The following CNTNAP5 variants were observed in gnomAD, a reference collection of about 807,000 sequenced individuals.
The protein encoded by CNTNAP5 is contactin associated protein family member 5.
A neutral mutation model predicts 150.2 loss-of-function variants in CNTNAP5; 72 were observed. The ratio of observed to expected loss-of-function variants is 0.48; its 90% CI spans 0.40 to 0.58. The LOEUF is 0.58. Ranked by LOEUF, CNTNAP5 falls within the 20% of genes least tolerant of loss-of-function variation. The probability of loss-of-function intolerance (pLI) is 0.00; values close to 1 mark genes in which losing one functional copy is unlikely to be tolerated. For missense variants in CNTNAP5, 1,636 were observed against 1,626.2 expected (o/e 1.01, Z -0.10); for synonymous variants, 672 against 619.8 (o/e 1.08, Z -1.25).
Position 124,771,715 on chromosome 2 carries a change from TCATCACCAC to T in CNTNAP5, c.2534-1072_2534-1064del, listed in dbSNP as rs1455730451. Among the ~76,000 whole-genome samples, 7 of 135,740 alleles carry T rather than the reference TCATCACCAC, an allele frequency of 5.2e-5. No homozygotes were observed. The East Asian group carries it at 6.2e-4, about 12-fold the overall frequency. The allele number at this position is 135,740 out of a possible 152,430, so 89.1% of individuals were successfully genotyped here. A position where few individuals can be genotyped will look rare whatever the true frequency, so the allele number is the denominator to read the frequency against. ...ATCACTGGCGCCATCACCATCACCT[TCATCACCAC>T]CATCACCACCACCGTTACCACCATC... On this transcript the variant is annotated intron_variant, in intron 16 of 23. Coordinates refer to ENST00000682447, the MANE Select transcript of CNTNAP5 (RefSeq NM_001367498.1).
At chr2:124,636,547 A>G (rs1011853872) in intron 12 of CNTNAP5, among the ~76,000 whole-genome samples, 1 of 152,188 alleles carries the variant, frequency 6.6e-6, no homozygotes, top group Non-Finnish European at 1.5e-5. Context: ...ATGATCTACC[A>G]TAATGTAAAT....
intron 3 of CNTNAP5, among the ~76,000 whole-genome samples, chr2:124,288,413 T>C (rs1428222644): frequency 1.3e-5 from 2 of 152,192 alleles, no homozygotes; most frequent in Non-Finnish European, 2.9e-5. Flanking sequence ...GGGCACTGTG[T>C]TGAGACCCAG....
At chr2:124,289,139 C>G (rs1688223649) in intron 3 of CNTNAP5, among the ~76,000 whole-genome samples, 2 of 152,156 alleles carry the variant, frequency 1.3e-5, no homozygotes, top group South Asian at 4.1e-4. Flanking sequence ...GACATTTTCT[C>G]TGTTGTATTG....
intron 19 of CNTNAP5, among the ~76,000 whole-genome samples, chr2:124,824,309 A>G (rs1182951541): frequency 6.6e-6 from 1 of 151,954 alleles, no homozygotes. Flanking sequence ...GTTATTTTCA[A>G]TTTTCATACT....
At chr2:124,113,055 G>A (rs1683334823) in intron 1 of CNTNAP5, among the ~76,000 whole-genome samples, 1 of 152,138 alleles carries the variant, frequency 6.6e-6, no homozygotes, top group African/African-American at 2.4e-5. Flanking sequence ...GTGAATGTAA[G>A]TATATCCAGA....
At chr2:124,101,462 G>A (rs895304258) in intron 1 of CNTNAP5, among the ~76,000 whole-genome samples, 1 of 152,100 alleles carries the variant, frequency 6.6e-6, no homozygotes, top group Non-Finnish European at 1.5e-5. Flanking sequence ...CTGGAAAGGG[G>A]CACAAGAATC....
intron 7 of CNTNAP5, among the ~76,000 whole-genome samples, chr2:124,492,805 T>C (rs1200140780): frequency 6.7e-6 from 1 of 150,318 alleles, no homozygotes; most frequent in South Asian, 2.2e-4. Context: ...AACTTATTTT[T>C]GTATGTTGAT....
intron 3 of CNTNAP5, among the ~76,000 whole-genome samples, chr2:124,280,530 T>C (rs1368883810): frequency 6.6e-6 from 1 of 152,088 alleles, no homozygotes; most frequent in Non-Finnish European, 1.5e-5. Context: ...GGCTGTTCGT[T>C]GTATAGAGTG....
intron 1 of CNTNAP5, among the ~76,000 whole-genome samples, chr2:124,184,330 A>C (rs530770528): frequency 6.6e-6 from 1 of 152,184 alleles, no homozygotes; most frequent in Non-Finnish European, 1.5e-5. Flanking sequence ...GGAGCTTTGC[A>C]TGGAGAAGCA....
intron 1 of CNTNAP5, among the ~76,000 whole-genome samples, chr2:124,056,703 G>C (rs1416650627): frequency 1.3e-5 from 2 of 152,140 alleles, no homozygotes; most frequent in Non-Finnish European, 2.9e-5. Context: ...CTCCTGCCAT[G>C]TGGTCATGAT....
intron 1 of CNTNAP5, among the ~76,000 whole-genome samples, chr2:124,168,842 A>G (rs1684865040): frequency 6.6e-6 from 1 of 152,166 alleles, no homozygotes; most frequent in Non-Finnish European, 1.5e-5. Flanking sequence ...TTATATATTA[A>G]TACATACTGT....
intron 1 of CNTNAP5, among the ~76,000 whole-genome samples, chr2:124,170,048 G>A (rs1331655025): frequency 6.6e-5 from 10 of 152,098 alleles, no homozygotes; most frequent in African/African-American, 2.2e-4. Context: ...TATATTTAGG[G>A]AAATGGGCTA....
chr2:124,697,127 A>T (rs1679421469), intron 13 of CNTNAP5, among the ~76,000 whole-genome samples: 1 of 152,114 alleles, frequency 6.6e-6, no homozygotes, highest in Non-Finnish European at 1.5e-5. Flanking sequence ...AGAATTTTTT[A>T]AATTTACGGA....
intron 1 of CNTNAP5, among the ~76,000 whole-genome samples, chr2:124,175,978 C>A (rs1327406750): frequency 6.6e-6 from 1 of 152,194 alleles, no homozygotes; most frequent in Non-Finnish European, 1.5e-5. Context: ...ATTACTGGGT[C>A]ATGTGTGAAT....
chr2:124,710,841 C>G (rs1679790979), intron 13 of CNTNAP5, among the ~76,000 whole-genome samples: 1 of 147,798 alleles, frequency 6.8e-6, no homozygotes, highest in South Asian at 2.2e-4. Context: ...TTCTGATTTT[C>G]CTGAAAACCT....
intron 2 of CNTNAP5, among the ~76,000 whole-genome samples, chr2:124,229,617 T>C (rs1390744997): frequency 1.3e-5 from 2 of 152,224 alleles, no homozygotes; most frequent in Non-Finnish European, 2.9e-5. Context: ...TCTATATAAT[T>C]GTGGCTTAGG....
At chr2:124,605,128 G>A (rs1239092704) in intron 11 of CNTNAP5, among the ~76,000 whole-genome samples, 7 of 152,180 alleles carry the variant, frequency 4.6e-5, no homozygotes. Context: ...GAGAGGCCAC[G>A]TGGGCCGAAG....
At chr2:124,398,142 A>C (rs1691304876) in intron 3 of CNTNAP5, among the ~76,000 whole-genome samples, 1 of 152,222 alleles carries the variant, frequency 6.6e-6, no homozygotes, top group African/African-American at 2.4e-5. Context: ...TAGTTTGTGC[A>C]GGTGCCAGGG....
intron 1 of CNTNAP5, among the ~76,000 whole-genome samples, chr2:124,100,864 C>CAAAAAA (rs60441145): frequency 7.4e-4 from 65 of 87,672 alleles, no homozygotes; most frequent in East Asian, 1.9e-3. Context: ...GACTCTGTCT[C>CAAAAAA]AAAAAAAAAA....
Sources: gnomAD v4.1 joint callset for allele counts (sites outside exome capture counted in the v4.1 genomes callset) on GRCh38, gnomAD v4.1.1 for gene constraint, MANE v1.5 for transcripts, NCBI Gene and HGNC (gene_info 2026-07-23, HGNC 2026-07-21) for gene names.